PLA2G6: variants seen among roughly 807,000 people sequenced by gnomAD.
PLA2G6 encodes 85/88 kDa calcium-independent phospholipase A2.
In PLA2G6, 62 loss-of-function variants were observed where a neutral mutation model predicts 83.8. The observed-to-expected ratio is 0.74, with a 90% CI of 0.60 to 0.91. PLA2G6 has a LOEUF of 0.91. PLA2G6 is among the 40% of genes least tolerant of loss of function. The pLI is 0.00. For synonymous variants in PLA2G6, 417 were observed against 449.8 expected, an observed-to-expected ratio of 0.93 and a Z score of 0.92; for missense variants, 944 against 1,102.0, an observed-to-expected ratio of 0.86 and a Z score of 2.03.
chr22:38,159,739 A>AGGAG (rs2145889605), intron 2 of PLA2G6, among the ~76,000 whole-genome samples: 1 of 151,728 alleles, frequency 6.6e-6, no homozygotes, highest in East Asian at 1.9e-4. Flanking sequence ...GAAGGAAGGA[A>AGGAG]GGAAGGAAGG....
At chr22:38,153,510 C>T (rs1335701634) in intron 2 of PLA2G6, among the ~76,000 whole-genome samples, 1 of 151,968 alleles carries the variant, frequency 6.6e-6, no homozygotes, top group African/African-American at 2.4e-5. Context: ...GTGGCAGGCA[C>T]CTGTAATCCC....
At chr22:38,127,378 C>T (rs1030245493) in intron 9 of PLA2G6, 6 of 1,311,212 alleles carry the variant, frequency 4.6e-6, no homozygotes, top group African/African-American at 1.5e-5. Context: ...TGGCTAGGCT[C>T]GGTGGCCTCT....
intron 2 of PLA2G6, among the ~76,000 whole-genome samples, chr22:38,160,358 C>G (rs917921399): frequency 6.6e-6 from 1 of 152,126 alleles, no homozygotes; most frequent in Non-Finnish European, 1.5e-5. Context: ...CAGTTCACTT[C>G]TAGGTATGTC....
In PLA2G6 at chr22:38,115,680, G is replaced by A; in HGVS notation, c.1881C>T (p.Asp627=). 2 of 1,600,512 alleles carry A rather than the reference G, an allele frequency of 1.2e-6. No individual in the cohort carries two copies. Among genetic ancestry groups the A allele is most frequent in the Non-Finnish European group, 1.7e-6 (2 of 1,174,504 alleles). ...VNLRPPAQPS[D]QLVWRAARSS... The stretch of plus-strand genomic sequence containing the variant: ...TTCGGGCCGCCCGCCACACCAGCTG[G>A]TCTAGGGGCGGGGAAGGAGGGCGGC... The change falls in exon 14 of 17, where the codon GAC becomes GAT. Residue 627 remains aspartate (D), a splice_region_variant and synonymous_variant. Transcript: ENST00000332509.
intron 12 of PLA2G6, among the ~76,000 whole-genome samples, chr22:38,118,372 C>T (rs58156054): frequency 0.023 from 3,563 of 152,302 alleles, 125 homozygotes; most frequent in African/African-American, 0.081. Flanking sequence ...CATGGGTATA[C>T]GCCTAAGCTA....
Position 38,115,532 on chromosome 22 carries a change from G to A in PLA2G6, c.2029C>T (p.Arg677Cys), listed in dbSNP as rs746514704. 1.2e-5 allele frequency: 19 copies of A among 1,612,926 alleles called. No homozygotes were observed. The highest frequency in any genetic ancestry group is 9.3e-5 in the African/African-American group (7 of 74,930). Residue 677 changes from arginine (R) to cysteine (C), a missense_variant, in exon 14 of 17, where the codon CGC (arginine) becomes TGC (cysteine). Transcript: ENST00000332509. ...CTCTGGCCTACGGCACTCACCTTGC[G>A]GATCAGGTCCTGATTGTACTCATGG... ...EIHEYNQDLI[R>C]KGQANKVKKL... is the part of the protein sequence containing the mutation.
intron 4 of PLA2G6, chr22:38,142,611 T>TA (rs1390871058): frequency 5.1e-5 from 11 of 215,640 alleles, no homozygotes; most frequent in South Asian, 2.3e-4. Flanking sequence ...ACAGCTGATC[T>TA]AAAAAAAAGG....
chr22:38,153,755 G>A (rs2089669754), intron 2 of PLA2G6, among the ~76,000 whole-genome samples: 1 of 152,110 alleles, frequency 6.6e-6, no homozygotes, highest in Admixed American at 6.6e-5. Context: ...ATCAGCCTAG[G>A]TACCAGCTCA....
At chr22:38,113,705 G>A (rs2087018411) in intron 14 of PLA2G6, 51 bp from the exon 15 acceptor site, 1 of 1,560,486 alleles carries the variant, frequency 6.4e-7, no homozygotes, top group Non-Finnish European at 8.8e-7. Context: ...ACAGGTAGGG[G>A]GCACGAAGGG....
At chr22:38,117,308 G>A (rs565430529) in intron 12 of PLA2G6, among the ~76,000 whole-genome samples, 5 of 152,228 alleles carry the variant, frequency 3.3e-5, no homozygotes, top group Non-Finnish European at 7.4e-5. Flanking sequence ...CCGGGTTCAC[G>A]CCATTCTCCT....
chr22:38,152,088 G>A lies in PLA2G6; in HGVS notation c.210-6435C>T, dbSNP rs544254811. 2.0e-5 allele frequency among the ~76,000 whole-genome samples: 3 copies of A among 152,276 alleles called. No homozygotes were observed. In the South Asian group the frequency reaches 6.2e-4, roughly 32 times the overall value. The stretch of plus-strand genomic sequence containing the variant: ...ATTTTGATTCCAATGTTGGAGGTGG[G>A]GGGCTAATGGGAGGTGTTTGGGTCA... On this transcript the variant is annotated intron_variant, in intron 2 of 16. Coordinates refer to ENST00000332509, the MANE Select transcript of PLA2G6 (RefSeq NM_003560.4).
chr22:38,154,582 G>A (rs988152922), intron 2 of PLA2G6, among the ~76,000 whole-genome samples: 1 of 152,236 alleles, frequency 6.6e-6, no homozygotes, highest in African/African-American at 2.4e-5. Flanking sequence ...TGGCTGCAGT[G>A]ACCAAAAACT....
intron 2 of PLA2G6, among the ~76,000 whole-genome samples, chr22:38,150,977 C>G (rs2089530960): frequency 6.6e-6 from 1 of 152,154 alleles, no homozygotes; most frequent in Admixed American, 6.5e-5. Context: ...GCCCCAGCTA[C>G]TCAGGAGGTT....
chr22:38,134,226 A>G (rs2088394966), intron 6 of PLA2G6: 1 of 152,848 alleles, frequency 6.5e-6, no homozygotes, highest in African/African-American at 2.4e-5. Context: ...GCGATGGCCT[A>G]TTGTGGGACC....
Position 38,116,046 on chromosome 22 carries a change from C to T in PLA2G6, c.1879+29G>A. 1.9e-6 allele frequency: 3 copies of T among 1,611,974 alleles called. 1 individual carries two copies. Among genetic ancestry groups the T allele is most frequent in the Non-Finnish European group, 8.5e-7 (1 of 1,179,172 alleles). On this transcript the variant is annotated intron_variant, in intron 13 of 16. Coordinates refer to ENST00000332509, the MANE Select transcript of PLA2G6 (RefSeq NM_003560.4). Reference sequence around the variant, plus strand: ...CCACAGCCTCTCGGGCCAGTCGCTTCCCATGGATGCATCAAACATGGTTTA... The same window carrying T: ...CCACAGCCTCTCGGGCCAGTCGCTTTCCATGGATGCATCAAACATGGTTTA...
chr22:38,142,854 G>A, intron 4 of PLA2G6: 1 of 548,668 alleles, frequency 1.8e-6, no homozygotes, highest in Non-Finnish European at 3.3e-6. Flanking sequence ...CCTTTTTTGG[G>A]GTTTATTTTG....
chr22:38,140,038 GTTGCACCGAGCA>G lies in PLA2G6; in HGVS notation c.729_740del (p.Ala244_Asn247del), dbSNP rs587784360. ...TGGGGTAGCCGTTGGGGCCCATGAT[GTTGCACCGAGCA>G]TTGCACAGCAGCAGCACGCGGACCA... On this transcript the variant is annotated inframe_deletion, in exon 5 of 17. Transcript: ENST00000332509. The G allele has an allele frequency of 7.4e-6, 12 of 1,613,042 alleles. No individual in the cohort carries two copies. Among genetic ancestry groups the G allele is most frequent in the Non-Finnish European group, 1.0e-5 (12 of 1,179,594 alleles).
chr22:38,167,760 T>C (rs966436170), intron 2 of PLA2G6, among the ~76,000 whole-genome samples: 3 of 152,218 alleles, frequency 2.0e-5, no homozygotes, highest in African/African-American at 4.8e-5. Context: ...TCTCACCTGA[T>C]TGGATGGGGC....
At chr22:38,142,426 G>A (rs187417012) in intron 4 of PLA2G6, 156 of 154,994 alleles carry the variant, frequency 1.0e-3, no homozygotes, top group Non-Finnish European at 1.8e-3. Context: ...CTTTTGCCCA[G>A]GTAATCAAAA....
Sources: allele counts gnomAD v4.1 joint callset (sites outside exome capture counted in the v4.1 genomes callset), GRCh38; gene constraint gnomAD v4.1.1; transcripts MANE v1.5; gene names NCBI Gene and HGNC (gene_info 2026-07-23, HGNC 2026-07-21).